The following IKZF2 variants were observed in gnomAD, a reference collection of about 807,000 sequenced individuals.
IKZF2 encodes zinc finger protein Helios.
Under a neutral mutation model 49.2 loss-of-function variants are expected in IKZF2, and 15 were observed. That is an observed-to-expected ratio of 0.30 (90% confidence interval 0.20 to 0.47). The LOEUF (loss-of-function observed/expected upper bound fraction) is 0.47. Among genes scored for constraint, IKZF2 ranks in the 20% least tolerant of loss-of-function variants. The pLI is 1.00. For synonymous variants in IKZF2, 227 were observed against 221.4 expected, an observed-to-expected ratio of 1.03 and a Z score of -0.23; for missense variants, 567 against 664.6, an observed-to-expected ratio of 0.85 and a Z score of 1.61.
At chr2:213,057,183 A>G in intron 4 of IKZF2, 84 bp from the exon 5 acceptor site, 1 of 1,186,106 alleles carries the variant, frequency 8.4e-7, no homozygotes, top group Non-Finnish European at 1.2e-6. Flanking sequence ...TTGTCATCCT[A>G]CTAAATGGAT....
chr2:213,097,961 C>A, intron 4 of IKZF2: 3 of 306,734 alleles, frequency 9.8e-6, no homozygotes, highest in South Asian at 5.7e-5. Flanking sequence ...GAAAAAGACC[C>A]TATAAATTAG....
Position 213,150,186 on chromosome 2 carries a change from C to G in IKZF2, c.-58G>C. ...GATTAAAAAAGATTCATCACCATTT[C>G]CAGCTCTGTCGGGAGATCTCAGCTT... is the stretch of plus-strand genomic sequence containing the variant. On this transcript the variant is annotated 5_prime_UTR_variant, in exon 2 of 9. Coordinates refer to ENST00000434687, the MANE Select transcript of IKZF2 (RefSeq NM_001387220.1). The G allele has an allele frequency of 7.7e-7, 1 of 1,303,812 alleles. No individual in the cohort carries two copies. The highest frequency in any genetic ancestry group is 1.0e-6 in the Non-Finnish European group (1 of 988,278). 80.8% of individuals were successfully genotyped at this position (1,303,812 alleles called of 1,614,324 possible). A position where few individuals can be genotyped will look rare whatever the true frequency, so the allele number is the denominator to read the frequency against.
intron 4 of IKZF2, among the ~76,000 whole-genome samples, chr2:213,125,400 A>G (rs939353127): frequency 2.0e-5 from 3 of 152,204 alleles, no homozygotes; most frequent in Admixed American, 6.5e-5. Flanking sequence ...ACCAACAAAC[A>G]TTTGAAATTA....
At chr2:213,095,878 C>T (rs759701479) in intron 4 of IKZF2, among the ~76,000 whole-genome samples, 41 of 151,920 alleles carry the variant, frequency 2.7e-4, no homozygotes, top group Admixed American at 5.9e-4. Context: ...TATCTACTAA[C>T]GAGGTAATTA....
intron 6 of IKZF2, among the ~76,000 whole-genome samples, chr2:213,042,884 T>C (rs959648669): frequency 1.3e-5 from 2 of 151,984 alleles, no homozygotes; most frequent in African/African-American, 4.8e-5. Context: ...TACATTTATA[T>C]TTTTTAAAGT....
At chr2:213,109,629 A>C (rs1447899719) in intron 4 of IKZF2, among the ~76,000 whole-genome samples, 1 of 152,014 alleles carries the variant, frequency 6.6e-6, no homozygotes, top group Non-Finnish European at 1.5e-5. Flanking sequence ...TCTCATTTAT[A>C]TTTATGTGCT....
At chr2:213,109,354 T>C (rs1363350116) in intron 4 of IKZF2, among the ~76,000 whole-genome samples, 1 of 152,082 alleles carries the variant, frequency 6.6e-6, no homozygotes, top group African/African-American at 2.4e-5. Context: ...AATATTCATC[T>C]TGCAATTTTA....
intron 6 of IKZF2, among the ~76,000 whole-genome samples, chr2:213,038,338 C>T (rs1037734479): frequency 6.6e-6 from 1 of 152,208 alleles, no homozygotes; most frequent in African/African-American, 2.4e-5. Context: ...AGACTACAGG[C>T]GTGAGCCACC....
chr2:213,018,508 G>T (rs1696853779), intron 7 of IKZF2, among the ~76,000 whole-genome samples: 1 of 151,814 alleles, frequency 6.6e-6, no homozygotes, highest in African/African-American at 2.4e-5. Context: ...GTCATTTCCA[G>T]TCTCTCCTCA....
intron 4 of IKZF2, among the ~76,000 whole-genome samples, chr2:213,124,207 G>A (rs1384451127): frequency 1.3e-5 from 2 of 149,396 alleles, no homozygotes; most frequent in African/African-American, 4.9e-5. Flanking sequence ...GAATGGCATG[G>A]GTGCATGTCC....
At chr2:213,044,747 C>T (rs76346994) in intron 6 of IKZF2, among the ~76,000 whole-genome samples, 1,688 of 152,256 alleles carry the variant, frequency 0.011, 23 homozygotes, top group Middle Eastern at 0.041. Context: ...TTTATGTCAG[C>T]TTTAAAAGGG....
intron 4 of IKZF2, among the ~76,000 whole-genome samples, chr2:213,132,355 G>C (rs936985244): frequency 6.6e-6 from 1 of 151,904 alleles, no homozygotes; most frequent in Admixed American, 6.5e-5. Context: ...ATTAGGGATC[G>C]ACTGTCCTGT....
intron 4 of IKZF2, among the ~76,000 whole-genome samples, chr2:213,128,649 A>G (rs2060350476): frequency 6.6e-6 from 1 of 151,842 alleles, no homozygotes; most frequent in South Asian, 2.1e-4. Flanking sequence ...TTTTTCAGAC[A>G]GAGTCTCACT....
Position 213,030,857 on chromosome 2 carries a change from G to A in IKZF2, c.575-8727C>T, listed in dbSNP as rs577149092. ...TGGTGAGATGGAGTCTCGCTCTGTC[G>A]CCCAGACTGGAGGGCAGGAGTGCAC... On this transcript the variant is annotated intron_variant, in intron 6 of 8. Coordinates refer to ENST00000434687, the MANE Select transcript of IKZF2 (RefSeq NM_001387220.1). Among the ~76,000 whole-genome samples, 30 of 141,510 alleles carry A rather than the reference G, an allele frequency of 2.1e-4. 1 individual carries two copies. Among genetic ancestry groups the A allele is most frequent in the African/African-American group, 7.8e-4 (29 of 37,388 alleles). The allele number at this position is 141,510 out of a possible 152,430, so 92.8% of individuals were successfully genotyped here.
chr2:213,077,737 G>A (rs545429904), intron 4 of IKZF2, among the ~76,000 whole-genome samples: 1 of 151,672 alleles, frequency 6.6e-6, no homozygotes, highest in African/African-American at 2.4e-5. Flanking sequence ...ACAGGCGCCC[G>A]CCACCATGTC....
chr2:213,020,594 T>C (rs1290410898), intron 7 of IKZF2, among the ~76,000 whole-genome samples: 1 of 152,158 alleles, frequency 6.6e-6, no homozygotes, highest in Non-Finnish European at 1.5e-5. Flanking sequence ...ATGTTAATGA[T>C]GATAATATAA....
At chr2:213,137,824 C>T (rs2060730003) in intron 4 of IKZF2, among the ~76,000 whole-genome samples, 2 of 152,016 alleles carry the variant, frequency 1.3e-5, no homozygotes, top group South Asian at 4.1e-4. Flanking sequence ...TAGAACTCAA[C>T]CAGAAATTCT....
chr2:213,041,638 T>G (rs1451773187), intron 6 of IKZF2, among the ~76,000 whole-genome samples: 1 of 152,192 alleles, frequency 6.6e-6, no homozygotes, highest in East Asian at 1.9e-4. Flanking sequence ...TCTTTGTTCA[T>G]AAAACATTTC....
intron 7 of IKZF2, 120 bp from the exon 8 acceptor site, chr2:213,014,054 T>C (rs1696285308): frequency 3.7e-6 from 3 of 803,132 alleles, no homozygotes; most frequent in Non-Finnish European, 6.1e-6. Flanking sequence ...TAGAAGCAAG[T>C]AGAAAGAATA....
Sources: gnomAD v4.1 joint callset for allele counts (sites outside exome capture counted in the v4.1 genomes callset) on GRCh38, gnomAD v4.1.1 for gene constraint, MANE v1.5 for transcripts, NCBI Gene and HGNC (gene_info 2026-07-23, HGNC 2026-07-21) for gene names.